SEMA5B: variants seen among roughly 807,000 people sequenced by gnomAD.
SEMA5B encodes the protein semaphorin-5B.
Under a neutral mutation model 135.0 loss-of-function variants are expected in SEMA5B, and 66 were observed. The ratio of observed to expected loss-of-function variants is 0.49; its 90% confidence interval spans 0.40 to 0.60. The LOEUF is 0.60. Among genes scored for constraint, SEMA5B ranks in the 20% least tolerant of loss-of-function variants. SEMA5B has a pLI of 0.00. For missense variants in SEMA5B, 1,501 were observed against 1,566.3 expected, an observed-to-expected ratio of 0.96 and a Z score of 0.70; for synonymous variants, 690 against 639.5, an observed-to-expected ratio of 1.08 and a Z score of -1.19.
At chr3:122,993,369 C>G (rs1293236771) in intron 1 of SEMA5B, 1 of 152,234 alleles carries the variant, frequency 6.6e-6, no homozygotes, top group South Asian at 2.1e-4. Flanking sequence ...AGGGCTGGCT[C>G]CCTCTCCCGT....
intron 9 of SEMA5B, among the ~76,000 whole-genome samples, chr3:122,924,413 C>T (rs574333406): frequency 1.3e-5 from 2 of 152,200 alleles, no homozygotes; most frequent in Non-Finnish European, 2.9e-5. Flanking sequence ...TTCAGCCCCC[C>T]TCTAGTCCCC....
chr3:122,992,217 G>A (rs1481220990), intron 1 of SEMA5B, among the ~76,000 whole-genome samples: 2 of 152,182 alleles, frequency 1.3e-5, no homozygotes, highest in African/African-American at 2.4e-5. Flanking sequence ...CCCTTTCCTG[G>A]CAGTGCTGAT....
intron 7 of SEMA5B, 44 bp from the exon 8 acceptor site, chr3:122,928,047 G>A (rs748160976): frequency 2.9e-5 from 39 of 1,361,390 alleles, no homozygotes; most frequent in Non-Finnish European, 3.6e-5. Context: ...CTGAGGCCCT[G>A]GGGCTGCCTG....
intron 1 of SEMA5B, among the ~76,000 whole-genome samples, chr3:122,963,676 CAG>C (rs552158352): frequency 1.6e-4 from 24 of 152,122 alleles, no homozygotes; most frequent in Non-Finnish European, 2.9e-4. Flanking sequence ...AGAAGGGAGA[CAG>C]AGAACACGGG....
In SEMA5B at chr3:122,912,704, T is replaced by G. The variant is rs898346976; in HGVS notation, c.2725+139A>C. ...CTACGGCCGGGGCAGAAATTTGCTC[T>G]GGGGGTCCCTAGCACAGAGTTGGCA... On this transcript the variant is annotated intron_variant, in intron 18 of 22. Coordinates refer to ENST00000357599, the MANE Select transcript of SEMA5B (RefSeq NM_001031702.4). 1.9e-5 allele frequency: 16 copies of G among 827,952 alleles called. No individual in the cohort carries two copies. In the African/African-American group the frequency reaches 2.8e-4, roughly 15 times the overall value. The allele number at this position is 827,952 out of a possible 1,614,324, so 51.3% of individuals were successfully genotyped here.
At chr3:122,912,371 T>C in intron 18 of SEMA5B, 29 bp from the exon 19 acceptor site, 3 of 1,534,074 alleles carry the variant, frequency 2.0e-6, no homozygotes, top group Non-Finnish European at 1.8e-6. Flanking sequence ...TGTGAGGGGC[T>C]GTAGGGGCAG....
At chr3:123,003,696 C>T (rs753177144) in intron 1 of SEMA5B, among the ~76,000 whole-genome samples, 1 of 152,100 alleles carries the variant, frequency 6.6e-6, no homozygotes, top group East Asian at 1.9e-4. Context: ...TAGCCAGGCA[C>T]AGTGGCAGGC....
intron 1 of SEMA5B, among the ~76,000 whole-genome samples, chr3:122,986,910 G>A (rs757407693): frequency 7.2e-5 from 11 of 152,314 alleles, no homozygotes; most frequent in African/African-American, 1.9e-4. Context: ...GGGCCCGGCC[G>A]TGAGCTAGCA....
chr3:122,941,917 G>A (rs905836212), intron 4 of SEMA5B, among the ~76,000 whole-genome samples: 22 of 152,260 alleles, frequency 1.4e-4, no homozygotes, highest in African/African-American at 5.1e-4. Context: ...TCAAAATAGA[G>A]AGTAAAACAA....
chr3:122,925,664 C>T (rs776167644), intron 9 of SEMA5B, among the ~76,000 whole-genome samples: 6 of 151,172 alleles, frequency 4.0e-5, no homozygotes, highest in Admixed American at 1.3e-4. Context: ...AGCAAGACTC[C>T]GTCTCAAACA....
Position 122,913,005 on chromosome 3 carries a change from C to G in SEMA5B, c.2563G>C (p.Gly855Arg). Residue 855 changes from glycine (G) to arginine (R), a missense_variant, in exon 18 of 23, where the codon GGC becomes CGC. Coordinates refer to ENST00000357599, the MANE Select transcript of SEMA5B (RefSeq NM_001031702.4). ...GACCACGGGCCCCAGGCGGCCCAGCCCCCGCTCACCGTGTGCGGGGAGGTG... is the reference window on the plus strand; with the variant it reads ...GACCACGGGCCCCAGGCGGCCCAGCGCCCGCTCACCGTGTGCGGGGAGGTG... Reference protein sequence around the residue: ...GSTSPHTVSGGWAAWGPWSSC... With the variant: ...GSTSPHTVSGRWAAWGPWSSC... 2 of 1,604,398 alleles carry G rather than the reference C, an allele frequency of 1.2e-6. No homozygotes were observed. Among genetic ancestry groups the G allele is most frequent in the South Asian group, 2.2e-5 (2 of 90,172 alleles).
At chr3:122,945,417 A>C (rs73856759) in intron 3 of SEMA5B, among the ~76,000 whole-genome samples, 4,116 of 152,180 alleles carry the variant, frequency 0.027, 172 homozygotes, top group African/African-American at 0.095. Flanking sequence ...TTACCTTAGA[A>C]ATGAAACCAA....
At chr3:122,960,921 C>T (rs142664248) in intron 2 of SEMA5B, among the ~76,000 whole-genome samples, 14 of 152,232 alleles carry the variant, frequency 9.2e-5, no homozygotes, top group Non-Finnish European at 1.5e-4. Flanking sequence ...TGTGAGTGTA[C>T]CTGATACTAC....
At chr3:122,948,480 A>T in intron 3 of SEMA5B, 26 bp downstream of exon 3, 1 of 1,577,348 alleles carries the variant, frequency 6.3e-7, no homozygotes, top group Non-Finnish European at 8.7e-7. Flanking sequence ...ATTGCAAGAC[A>T]GGGCCAAGTA....
chr3:122,915,959 C>T (rs1047006096), intron 12 of SEMA5B, 69 bp from the exon 13 acceptor site: 50 of 1,108,680 alleles, frequency 4.5e-5, no homozygotes, highest in African/African-American at 4.6e-5. Context: ...CAGGAACACA[C>T]GTGAACACTC....
At chr3:122,917,007 A>C (rs567596794) in intron 12 of SEMA5B, among the ~76,000 whole-genome samples, 1 of 152,340 alleles carries the variant, frequency 6.6e-6, no homozygotes, top group African/African-American at 2.4e-5. Flanking sequence ...TTTTAACAGA[A>C]AAATCTAATC....
intron 3 of SEMA5B, among the ~76,000 whole-genome samples, chr3:122,945,097 T>G (rs1939726108): frequency 6.6e-6 from 1 of 152,204 alleles, no homozygotes; most frequent in Non-Finnish European, 1.5e-5. Flanking sequence ...CAGCCCTTCA[T>G]TTCTGCACGA....
intron 1 of SEMA5B, among the ~76,000 whole-genome samples, chr3:123,014,852 T>G (rs1942518798): frequency 6.6e-6 from 1 of 152,180 alleles, no homozygotes; most frequent in Admixed American, 6.5e-5. Flanking sequence ...GGTTGAAGTT[T>G]TAACCCCCTG....
intron 12 of SEMA5B, among the ~76,000 whole-genome samples, chr3:122,919,689 CTG>C (rs1938254630): frequency 6.6e-6 from 1 of 152,202 alleles, no homozygotes; most frequent in African/African-American, 2.4e-5. Context: ...AGCTTGGTGA[CTG>C]TGTGTACTTA....
Sources: gnomAD v4.1 joint callset for allele counts (sites outside exome capture counted in the v4.1 genomes callset) on GRCh38, gnomAD v4.1.1 for gene constraint, MANE v1.5 for transcripts, NCBI Gene and HGNC (gene_info 2026-07-23, HGNC 2026-07-21) for gene names.